The following ANK2 variants were observed in gnomAD, a reference collection of about 807,000 sequenced individuals.
ANK2 encodes the protein ankyrin-2.
A neutral mutation model predicts 360.5 loss-of-function variants in ANK2; 83 were observed. That is an observed-to-expected ratio of 0.23 (90% CI 0.19 to 0.28). The LOEUF (loss-of-function observed/expected upper bound fraction) is 0.28, where lower values mean the gene tolerates loss of function less well. Among genes scored for constraint, ANK2 ranks in the 10% least tolerant of loss-of-function variants. The pLI is 1.00. For synonymous variants in ANK2, 1,740 were observed against 1,759.5 expected (o/e 0.99, Z 0.28); for missense variants, 4,201 against 4,795.7 (o/e 0.88, Z 3.66).
intron 2 of ANK2, among the ~76,000 whole-genome samples, chr4:112,958,322 C>T (rs370836969): frequency 7.2e-5 from 11 of 152,202 alleles, no homozygotes; most frequent in East Asian, 3.9e-4. Context: ...CTGAGTGAAC[C>T]AGACTCCATC....
chr4:112,921,951 G>A (rs1007125171), intron 2 of ANK2, among the ~76,000 whole-genome samples: 1 of 152,300 alleles, frequency 6.6e-6, no homozygotes, highest in East Asian at 1.9e-4. Flanking sequence ...CTCCAGTGCT[G>A]TTTAGCATTA....
intron 1 of ANK2, among the ~76,000 whole-genome samples, chr4:112,892,676 G>T (rs182149292): frequency 6.6e-6 from 1 of 152,158 alleles, no homozygotes; most frequent in Non-Finnish European, 1.5e-5. Flanking sequence ...TTAGAAAATA[G>T]CGTGTTTCAT....
chr4:113,284,290 A>G lies in ANK2; in HGVS notation c.2079+1418A>G, dbSNP rs1046320576. 1.3e-4 allele frequency among the ~76,000 whole-genome samples: 20 copies of G among 152,358 alleles called. No homozygotes were observed. In the East Asian group the frequency reaches 3.7e-3, roughly 28 times the overall value. On this transcript the variant is annotated intron_variant, in intron 18 of 45. Coordinates refer to ENST00000357077, the MANE Select transcript of ANK2 (RefSeq NM_001148.6). ...GTTGGAGAAAATGTGATCATGAAGC[A>G]TAGAATATTTTATTTAGTATTAGTG...
chr4:113,324,404 A>G (rs1022648594), intron 26 of ANK2, among the ~76,000 whole-genome samples: 1 of 152,218 alleles, frequency 6.6e-6, no homozygotes, highest in Non-Finnish European at 1.5e-5. Flanking sequence ...AAAGGTTCCT[A>G]TTAGACTGCT....
intron 4 of ANK2, among the ~76,000 whole-genome samples, chr4:113,218,898 G>T (rs868700530): frequency 4.6e-5 from 7 of 152,198 alleles, no homozygotes; most frequent in South Asian, 2.1e-4. Flanking sequence ...AACCAGTTAA[G>T]TTAATACTGT....
chr4:112,746,144 G>T, the ANK2 span, among the ~76,000 whole-genome samples: 2 of 151,718 alleles, frequency 1.3e-5, no homozygotes, highest in Non-Finnish European at 2.9e-5. Context: ...ATATATTTAG[G>T]ATGACAATTA....
intron 1 of ANK2, among the ~76,000 whole-genome samples, chr4:112,856,012 A>G (rs2150036136): frequency 6.6e-6 from 1 of 152,282 alleles, no homozygotes; most frequent in South Asian, 2.1e-4. Context: ...GAGTGAATTC[A>G]TGATCTCTGG....
chr4:113,242,057 G>A lies in ANK2; in HGVS notation c.793-54G>A, dbSNP rs187609742. 8.6e-4 allele frequency: 1,230 copies of A among 1,423,490 alleles called. 5 individuals carry two copies. Among genetic ancestry groups the A allele is most frequent in the Non-Finnish European group, 3.4e-4 (341 of 1,007,532 alleles). 88.2% of individuals were successfully genotyped at this position (1,423,490 alleles called of 1,614,324 possible). A position where few individuals can be genotyped will look rare whatever the true frequency, so the allele number is the denominator to read the frequency against. ...TTGTGGCCTTTAACACAAAGGCATC[G>A]CCATCATGCCCTGTCATACCCAACA... On this transcript the variant is annotated intron_variant, in intron 8 of 45. Coordinates refer to ENST00000357077, the MANE Select transcript of ANK2 (RefSeq NM_001148.6).
chr4:113,182,998 G>C (rs1302503001), intron 2 of ANK2, among the ~76,000 whole-genome samples: 5 of 152,132 alleles, frequency 3.3e-5, no homozygotes, highest in African/African-American at 1.2e-4. Context: ...TGGTGTCCTT[G>C]AGTTGATGAG....
chr4:113,230,008 A>G (rs867994949), intron 4 of ANK2, among the ~76,000 whole-genome samples: 1 of 152,056 alleles, frequency 6.6e-6, no homozygotes, highest in Non-Finnish European at 1.5e-5. Context: ...AACCATCCTC[A>G]CTGGCTTTCC....
chr4:113,093,798 A>T (rs552683375), intron 1 of ANK2, among the ~76,000 whole-genome samples: 17 of 152,346 alleles, frequency 1.1e-4, no homozygotes, highest in South Asian at 2.1e-4. Flanking sequence ...TCACCAAATA[A>T]GACAGTAACT....
At chr4:112,796,011 G>T in the ANK2 span, among the ~76,000 whole-genome samples, 1 of 151,552 alleles carries the variant, frequency 6.6e-6, no homozygotes, top group East Asian at 1.9e-4. Flanking sequence ...TGTTGGCCAG[G>T]CTGGTCTCCA....
chr4:113,366,117 A>G (rs2096525253), intron 41 of ANK2, among the ~76,000 whole-genome samples: 1 of 152,144 alleles, frequency 6.6e-6, no homozygotes, highest in Non-Finnish European at 1.5e-5. Flanking sequence ...TCCCCCCTGT[A>G]TTATTGCTGT....
At chr4:113,021,541 C>CACATAT (rs1489947974) in intron 2 of ANK2, among the ~76,000 whole-genome samples, 2 of 95,570 alleles carry the variant, frequency 2.1e-5, no homozygotes, top group Non-Finnish European at 4.5e-5. Context: ...CACACACAAA[C>CACATAT]ATATATATAT....
chr4:113,091,297 A>G (rs2087947285), intron 1 of ANK2, among the ~76,000 whole-genome samples: 1 of 152,228 alleles, frequency 6.6e-6, no homozygotes, highest in Non-Finnish European at 1.5e-5. Context: ...AAAGGAGGAC[A>G]ATAATTATAA....
chr4:113,355,931 A>G lies in ANK2; in HGVS notation c.7313A>G (p.Glu2438Gly). 6.2e-7 allele frequency: 1 copy of G among 1,614,084 alleles called. No individual in the cohort carries two copies. Among genetic ancestry groups the G allele is most frequent in the East Asian group, 2.2e-5 (1 of 44,866 alleles). Residue 2438 changes from glutamate to glycine, a missense_variant, in exon 38 of 46, where the codon GAA becomes GGA. Glu to Gly is a moderately conservative substitution (Grantham distance 98). Coordinates refer to ENST00000357077, the MANE Select transcript of ANK2 (RefSeq NM_001148.6). Reference protein sequence around the residue: ...SLAVSHKDSLEASPVLEDNSS... With the variant: ...SLAVSHKDSLGASPVLEDNSS... ...GCAGTGAGCCACAAAGACTCTCTGG[A>G]AGCCAGCCCTGTGCTAGAAGATAAC...
chr4:112,816,662 A>G (rs1278695271), upstream of ANK2, among the ~76,000 whole-genome samples: 1 of 152,204 alleles, frequency 6.6e-6, no homozygotes, highest in Non-Finnish European at 1.5e-5. Context: ...TTTTATAGGA[A>G]ACAGCTAATT....
chr4:113,378,213 A>G, intron 45 of ANK2: 1 of 1,065,848 alleles, frequency 9.4e-7, no homozygotes, highest in East Asian at 6.0e-5. Flanking sequence ...TGCTTTGCCA[A>G]CTAACACCAT....
chr4:113,178,750 T>C (rs1291165430), intron 2 of ANK2, among the ~76,000 whole-genome samples: 4 of 152,182 alleles, frequency 2.6e-5, no homozygotes, highest in African/African-American at 9.7e-5. Context: ...ATGTGATGTC[T>C]TATCAGTCAA....
Sources: gnomAD v4.1 joint callset for allele counts (sites outside exome capture counted in the v4.1 genomes callset) on GRCh38, gnomAD v4.1.1 for gene constraint, MANE v1.5 for transcripts, NCBI Gene and HGNC (gene_info 2026-07-23, HGNC 2026-07-21) for gene names.